The following C10orf143 variants were observed in gnomAD, a reference collection of about 807,000 sequenced individuals.
C10orf143 encodes the protein uncharacterized protein C10orf143.
downstream of C10orf143, among the ~76,000 whole-genome samples, chr10:130,062,356 T>A (rs543017919): frequency 1.3e-5 from 2 of 152,156 alleles, no homozygotes; most frequent in African/African-American, 4.8e-5. Context: ...CACAGTTGAG[T>A]CAGTGGACTG....
intron 3 of C10orf143, among the ~76,000 whole-genome samples, chr10:130,072,966 C>T (rs748796550): frequency 1.3e-5 from 2 of 152,186 alleles, no homozygotes; most frequent in Non-Finnish European, 2.9e-5. Flanking sequence ...AACCACAGTA[C>T]CTTCAAAGCA....
intron 1 of C10orf143, among the ~76,000 whole-genome samples, chr10:130,082,109 C>G (rs1861219102): frequency 6.6e-6 from 1 of 151,784 alleles, no homozygotes; most frequent in Non-Finnish European, 1.5e-5. Flanking sequence ...AGATATAAAT[C>G]AAAATATATA....
intron 3 of C10orf143, among the ~76,000 whole-genome samples, 179 bp from the exon 4 acceptor site, chr10:130,064,562 A>C (rs568882155): frequency 6.6e-5 from 10 of 152,248 alleles, no homozygotes; most frequent in Middle Eastern, 3.4e-3. Context: ...CATTATAATT[A>C]AGATATTTAA....
chr10:130,107,370 G>A (rs757861514), intron 1 of C10orf143: 87 of 1,092,974 alleles, frequency 8.0e-5, no homozygotes, highest in Non-Finnish European at 1.1e-4. Context: ...GAATTGGAGA[G>A]AACTATTCAT....
chr10:130,108,275 G>A lies in C10orf143; in HGVS notation c.69+2429C>T. ...AGGGGATTTCCCAGGTCCACCACAT[G>A]CTCCGTTTGCAATGAGAAATGTCTA... On this transcript the variant is annotated intron_variant, in intron 1 of 3. Transcript: ENST00000637128. The A allele has an allele frequency of 1.9e-6, 3 of 1,570,998 alleles. No homozygotes were observed. The East Asian group carries it at 6.7e-5, about 35-fold the overall frequency.
chr10:130,058,059 T>C (rs1221838943), intron 3 of C10orf143, among the ~76,000 whole-genome samples: 1 of 152,192 alleles, frequency 6.6e-6, no homozygotes, highest in Non-Finnish European at 1.5e-5. Flanking sequence ...TCCACAAGAT[T>C]CCATGTTACC....
intron 1 of C10orf143, among the ~76,000 whole-genome samples, chr10:130,092,007 A>G (rs1861390076): frequency 6.6e-6 from 1 of 152,226 alleles, no homozygotes; most frequent in Non-Finnish European, 1.5e-5. Flanking sequence ...TATTATCCAG[A>G]AAAACTTACC....
chr10:130,107,159 G>A, intron 1 of C10orf143: 1 of 1,591,770 alleles, frequency 6.3e-7, no homozygotes, highest in Non-Finnish European at 8.6e-7. Context: ...TTTTGAAAGT[G>A]AGAATCAGAA....
Position 130,107,372 on chromosome 10 carries a change from A to C in C10orf143, c.69+3332T>G, listed in dbSNP as rs768632962. The stretch of plus-strand genomic sequence containing the variant: ...AGATCTTGAAGAAGAATTGGAGAGA[A>C]CTATTCATTATTATCAACGGCAGAT... On this transcript the variant is annotated intron_variant, in intron 1 of 3. Coordinates refer to ENST00000637128, the MANE Select transcript of C10orf143 (RefSeq NM_001355042.2). 3.0e-5 allele frequency: 33 copies of C among 1,092,746 alleles called. No individual in the cohort carries two copies. The African/African-American group carries it at 4.5e-4, about 15-fold the overall frequency. 67.7% of individuals were successfully genotyped at this position (1,092,746 alleles called of 1,614,324 possible).
chr10:130,039,939 T>C (rs576093086), intron 3 of C10orf143, among the ~76,000 whole-genome samples: 74 of 152,306 alleles, frequency 4.9e-4, no homozygotes, highest in Admixed American at 1.6e-3. Flanking sequence ...GGGTTTGGGA[T>C]AAGAAACTGG....
chr10:130,079,451 A>G, intron 3 of C10orf143, 115 bp downstream of exon 3: 1 of 397,746 alleles, frequency 2.5e-6, no homozygotes, highest in Non-Finnish European at 4.4e-6. Context: ...CTTTTTATTT[A>G]TGTTCCTCAT....
At chr10:130,107,248 G>A in intron 1 of C10orf143, 8 of 1,238,394 alleles carry the variant, frequency 6.5e-6, no homozygotes, top group Non-Finnish European at 9.6e-6. Context: ...TAACAGTAGA[G>A]GAAAATAGCC....
At chr10:130,042,664 C>A (rs985296995) in intron 3 of C10orf143, among the ~76,000 whole-genome samples, 2 of 152,236 alleles carry the variant, frequency 1.3e-5, no homozygotes, top group African/African-American at 2.4e-5. Flanking sequence ...TTGGATCCAC[C>A]TCTCCGTCCT....
intron 3 of C10orf143, among the ~76,000 whole-genome samples, chr10:130,072,497 C>T (rs1861048911): frequency 6.6e-6 from 1 of 152,112 alleles, no homozygotes; most frequent in Non-Finnish European, 1.5e-5. Context: ...TCTTCTAATT[C>T]ACTAATTCTG....
chr10:130,107,764 A>G, intron 1 of C10orf143: 1 of 1,237,198 alleles, frequency 8.1e-7, no homozygotes, highest in Non-Finnish European at 1.2e-6. Flanking sequence ...AGGAAAGAGG[A>G]GAATCAAGCT....
intron 1 of C10orf143, among the ~76,000 whole-genome samples, chr10:130,101,859 A>AC (rs1861558595): frequency 4.2e-5 from 2 of 48,076 alleles, no homozygotes; most frequent in Non-Finnish European, 3.6e-5. Flanking sequence ...CAAAAAAAAA[A>AC]AAAACCAAAA....
chr10:130,079,659 CAGA>C (rs1359851369), intron 2 of C10orf143, 31 bp from the exon 3 acceptor site: 1 of 399,008 alleles, frequency 2.5e-6, no homozygotes, highest in African/African-American at 2.1e-5. Flanking sequence ...GCAGATATAT[CAGA>C]ACAATGATTA....
At chr10:130,040,706 G>C (rs1860597143) in intron 3 of C10orf143, among the ~76,000 whole-genome samples, 3 of 152,194 alleles carry the variant, frequency 2.0e-5, no homozygotes, top group African/African-American at 4.8e-5. Context: ...GGTGGCGGGT[G>C]CCTGTAATTC....
intron 3 of C10orf143, among the ~76,000 whole-genome samples, chr10:130,052,159 C>T (rs1435259511): frequency 6.7e-6 from 1 of 150,020 alleles, no homozygotes; most frequent in African/African-American, 2.5e-5. Flanking sequence ...CTCAGGAGGC[C>T]ACCACCATAC....
Sources: gnomAD v4.1 joint callset for allele counts (sites outside exome capture counted in the v4.1 genomes callset) on GRCh38, gnomAD v4.1.1 for gene constraint, MANE v1.5 for transcripts, NCBI Gene and HGNC (gene_info 2026-07-23, HGNC 2026-07-21) for gene names.